The following XPO6 variants were observed in gnomAD, a reference collection of about 807,000 sequenced individuals.
XPO6 encodes exportin 6, also known as exportin-6.
XPO6 carries 3 observed loss-of-function variants against 130.0 expected under a neutral mutation model. The observed-to-expected ratio is 0.02, with a 90% CI of 0.01 to 0.06. The LOEUF (loss-of-function observed/expected upper bound fraction) is 0.06. XPO6 is among the 10% of genes least tolerant of loss of function. XPO6 has a pLI of 1.00. For missense variants in XPO6, 970 were observed against 1,393.0 expected (o/e 0.70, Z 4.83); for synonymous variants, 524 against 548.9 (o/e 0.95, Z 0.63).
intron 2 of XPO6, among the ~76,000 whole-genome samples, chr16:28,178,764 CAAA>C (rs139329056): frequency 7.2e-6 from 1 of 138,402 alleles, no homozygotes. Context: ...CAAAACAAAA[CAAA>C]AAAAAAAAAA....
chr16:28,200,246 T>C (rs937138769), intron 1 of XPO6, among the ~76,000 whole-genome samples: 4 of 152,144 alleles, frequency 2.6e-5, no homozygotes, highest in Non-Finnish European at 4.4e-5. Context: ...CCAGCTCCAT[T>C]TGGCTTATAA....
chr16:28,185,561 T>A (rs1407440915), intron 1 of XPO6, among the ~76,000 whole-genome samples: 1 of 152,210 alleles, frequency 6.6e-6, no homozygotes, highest in African/African-American at 2.4e-5. Flanking sequence ...ACTTAATGTT[T>A]TAAAATCCTC....
In XPO6 at chr16:28,113,053, G is replaced by A; in HGVS notation, c.2005-3C>T. The A allele has an allele frequency of 6.2e-7, 1 of 1,613,216 alleles. No homozygotes were observed. The highest frequency in any genetic ancestry group is 8.5e-7 in the Non-Finnish European group (1 of 1,179,484). On this transcript the variant is annotated splice_region_variant and splice_polypyrimidine_tract_variant and intron_variant, in intron 15 of 23. Transcript: ENST00000304658. ...GATAGCAGCAGCTTGTCTTGGACCT[G>A]CAGAGGGAAGAGGGCACGTCAGCTC...
At position 28,175,883 on chromosome 16, in the gene XPO6, T is replaced by G. The variant is rs748081314; in HGVS notation, c.405+15A>C. 7 of 1,610,102 alleles carry G rather than the reference T, an allele frequency of 4.3e-6. No individual in the cohort carries two copies. Among genetic ancestry groups the G allele is most frequent in the Non-Finnish European group, 5.9e-6 (7 of 1,176,524 alleles). ...AACTATTCACAAGATAAAGTTTCCTTAGGCATATCCTTACCTGTAAAATGT... is the reference window on the plus strand; with the variant it reads ...AACTATTCACAAGATAAAGTTTCCTGAGGCATATCCTTACCTGTAAAATGT... On this transcript the variant is annotated intron_variant, in intron 4 of 23. Transcript: ENST00000304658.
intron 1 of XPO6, among the ~76,000 whole-genome samples, chr16:28,197,843 C>T (rs575949714): frequency 6.2e-4 from 90 of 145,668 alleles, no homozygotes; most frequent in Non-Finnish European, 9.3e-4. Context: ...TGCTTGAACC[C>T]GGGAGGCGGA....
chr16:28,139,128 T>TA (rs1339930120), intron 9 of XPO6, among the ~76,000 whole-genome samples: 1 of 152,176 alleles, frequency 6.6e-6, no homozygotes, highest in Non-Finnish European at 1.5e-5. Flanking sequence ...AAAAAGGTAA[T>TA]AAAGTTATGT....
chr16:28,131,425 C>T lies in XPO6; in HGVS notation c.1606+909G>A, dbSNP rs115925843. Reference sequence around the variant, plus strand: ...CCAACACAGGGGCTGCGCACCAGAGCCGGGACAGATCCCATAAGAAGCATG... The same window carrying T: ...CCAACACAGGGGCTGCGCACCAGAGTCGGGACAGATCCCATAAGAAGCATG... On this transcript the variant is annotated intron_variant, in intron 12 of 23. Transcript: ENST00000304658. 9.8e-3 allele frequency among the ~76,000 whole-genome samples: 1,496 copies of T among 152,270 alleles called. 30 individuals carry two copies. The highest frequency in any genetic ancestry group is 0.034 in the African/African-American group (1,423 of 41,544).
chr16:28,137,387 T>C (rs2042801731), intron 9 of XPO6, among the ~76,000 whole-genome samples: 1 of 152,238 alleles, frequency 6.6e-6, no homozygotes, highest in Non-Finnish European at 1.5e-5. Context: ...ATTTAATCAA[T>C]TTCCTAAAAT....
intron 2 of XPO6, 151 bp downstream of exon 2, chr16:28,180,790 C>T: frequency 1.8e-6 from 1 of 555,754 alleles, no homozygotes; most frequent in African/African-American, 1.9e-5. Context: ...GGGGTTTCCC[C>T]AGCCACCAGC....
chr16:28,103,374 G>A (rs2086694359), intron 21 of XPO6, among the ~76,000 whole-genome samples: 1 of 152,198 alleles, frequency 6.6e-6, no homozygotes, highest in Non-Finnish European at 1.5e-5. Flanking sequence ...GCACGAGCCT[G>A]TTCATCCATT....
chr16:28,132,805 T>C lies in XPO6; in HGVS notation c.1537-402A>G, dbSNP rs1282490470. 6.6e-6 allele frequency among the ~76,000 whole-genome samples: 1 copy of C among 152,044 alleles called. No homozygotes were observed. The highest frequency in any genetic ancestry group is 1.9e-4 in the East Asian group (1 of 5,174). ...AAGGGAACCTCTACCTTGAGAGAAA[T>C]GTCAGCTATGCCTTATTAAGCACAT... is the stretch of plus-strand genomic sequence containing the variant. On this transcript the variant is annotated intron_variant, in intron 11 of 23. Transcript: ENST00000304658. The surrounding 1 kb of genome is among the most constrained non-coding windows in gnomAD (Gnocchi z 4.0).
intron 7 of XPO6, chr16:28,153,051 C>T (rs1373442918): frequency 1.6e-5 from 17 of 1,096,034 alleles, no homozygotes; most frequent in Non-Finnish European, 1.9e-5. Context: ...TTTTCTAAGT[C>T]ATTTGTGTTG....
intron 1 of XPO6, among the ~76,000 whole-genome samples, chr16:28,184,599 TA>T (rs775780148): frequency 0.017 from 1,668 of 99,100 alleles, 10 homozygotes; most frequent in Middle Eastern, 0.062. Context: ...AACAAATCAG[TA>T]AAAAAAAAAA....
At chr16:28,121,029 G>C (rs1030637358) in intron 14 of XPO6, among the ~76,000 whole-genome samples, 1 of 152,258 alleles carries the variant, frequency 6.6e-6, no homozygotes, top group Non-Finnish European at 1.5e-5. Flanking sequence ...TCTGGGCAGT[G>C]AAATCTCTGG....
chr16:28,201,107 C>A (rs965607651), intron 1 of XPO6, among the ~76,000 whole-genome samples: 2 of 152,094 alleles, frequency 1.3e-5, no homozygotes, highest in Non-Finnish European at 2.9e-5. Context: ...TTGGGGCTCC[C>A]CAGTAAGCAC....
At chr16:28,128,231 A>C (rs943156220) in intron 12 of XPO6, among the ~76,000 whole-genome samples, 2 of 152,338 alleles carry the variant, frequency 1.3e-5, no homozygotes, top group African/African-American at 4.8e-5. Context: ...CCTCCTCTGC[A>C]CACCAACCAG....
intron 12 of XPO6, among the ~76,000 whole-genome samples, chr16:28,126,186 C>G (rs1326556242): frequency 6.6e-6 from 1 of 152,184 alleles, no homozygotes; most frequent in Non-Finnish European, 1.5e-5. Context: ...AGGAGGCACA[C>G]CCAGGGAGGC....
intron 17 of XPO6, among the ~76,000 whole-genome samples, chr16:28,110,885 G>C (rs367563251): frequency 6.6e-6 from 1 of 152,238 alleles, no homozygotes; most frequent in Non-Finnish European, 1.5e-5. Flanking sequence ...ACCAAGGCAA[G>C]AGCCTAGTAC....
intron 1 of XPO6, among the ~76,000 whole-genome samples, chr16:28,197,221 T>C (rs1256756224): frequency 2.0e-5 from 3 of 152,090 alleles, no homozygotes; most frequent in African/African-American, 4.8e-5. Context: ...CACTGCACTT[T>C]AGCCTGGGTG....
Sources: allele counts gnomAD v4.1 joint callset (sites outside exome capture counted in the v4.1 genomes callset), GRCh38; gene constraint gnomAD v4.1.1; non-coding constraint Gnocchi (gnomAD v3.1); transcripts MANE v1.5; gene names NCBI Gene and HGNC (gene_info 2026-07-23, HGNC 2026-07-21).